The following PAPPA variants were observed in gnomAD, a reference collection of about 807,000 sequenced individuals.
PAPPA encodes pappalysin 1.
A neutral mutation model predicts 164.0 loss-of-function variants in PAPPA; 60 were observed. The ratio of observed to expected loss-of-function variants is 0.37; its 90% CI spans 0.30 to 0.45. PAPPA has a LOEUF of 0.45. Ranked by LOEUF, PAPPA falls within the 20% of genes least tolerant of loss-of-function variation. The pLI is 1.00. For synonymous variants in PAPPA, 875 were observed against 814.1 expected, an observed-to-expected ratio of 1.07 and a Z score of -1.27; for missense variants, 1,782 against 2,087.3, an observed-to-expected ratio of 0.85 and a Z score of 2.85.
intron 6 of PAPPA, among the ~76,000 whole-genome samples, chr9:116,232,821 A>C (rs1844615142): frequency 6.6e-6 from 1 of 152,186 alleles, no homozygotes; most frequent in Non-Finnish European, 1.5e-5. Context: ...ACTCCTGTTT[A>C]CTTGCTTGAG....
chr9:116,160,631 A>C (rs930647504), intron 1 of PAPPA, among the ~76,000 whole-genome samples: 10 of 152,192 alleles, frequency 6.6e-5, no homozygotes. Context: ...GGCAACTTGT[A>C]TCTTATCTAC....
Position 116,396,565 on chromosome 9 carries a change from C to T in PAPPA, c.4833C>T (p.Pro1611=), listed in dbSNP as rs1233009406. 6.4e-6 allele frequency: 5 copies of T among 780,820 alleles called. No homozygotes were observed. Among genetic ancestry groups the T allele is most frequent in the South Asian group, 1.3e-5 (1 of 74,592 alleles). 48.4% of individuals were successfully genotyped at this position (780,820 alleles called of 1,614,324 possible). The change falls in exon 22 of 22, where the codon CCC becomes CCT. Residue 1611 remains proline (P), a synonymous_variant. Coordinates refer to ENST00000328252, the MANE Select transcript of PAPPA (RefSeq NM_002581.5). ...DLQGDCACRD[P]QAQEHSRKDL... is the part of the protein sequence containing the mutation. ...AAGGTGACTGTGCTTGTCGGGACCC[C>T]CAGGCCCAAGAACACAGCCGGAAAG...
chr9:116,281,831 G>T (rs1467796405), intron 9 of PAPPA, among the ~76,000 whole-genome samples: 2 of 152,130 alleles, frequency 1.3e-5, no homozygotes, highest in Non-Finnish European at 2.9e-5. Context: ...CAGGCCAACT[G>T]CCTCACACCC....
At chr9:116,163,845 G>C (rs535493091) in intron 1 of PAPPA, among the ~76,000 whole-genome samples, 1 of 152,194 alleles carries the variant, frequency 6.6e-6, no homozygotes, top group Non-Finnish European at 1.5e-5. Flanking sequence ...ACTCTTTTAG[G>C]ACTTCCCAGA....
intron 1 of PAPPA, among the ~76,000 whole-genome samples, chr9:116,161,047 C>T (rs979925346): frequency 2.6e-5 from 4 of 152,132 alleles, no homozygotes; most frequent in African/African-American, 9.7e-5. Context: ...CGGGAGAAGC[C>T]GTTGGCTGAG....
chr9:116,220,038 C>T lies in PAPPA; in HGVS notation c.2020C>T (p.Pro674Ser). Reference protein sequence around the residue: ...QGWQPSRKPAPVALAPQVLGH... With the variant: ...QGWQPSRKPASVALAPQVLGH... The stretch of plus-strand genomic sequence containing the variant: ...CTGGCAGCCCTCCAGGAAACCAGCG[C>T]CTGTTGCCCTCGCCCCCCAAGTTCT... The change falls in exon 5 of 22, where the codon CCT becomes TCT. Residue 674 changes from proline to serine, a missense_variant. Coordinates refer to ENST00000328252, the MANE Select transcript of PAPPA (RefSeq NM_002581.5). 6.2e-7 allele frequency: 1 copy of T among 1,614,180 alleles called. No individual in the cohort carries two copies. Among genetic ancestry groups the T allele is most frequent in the Non-Finnish European group, 8.5e-7 (1 of 1,180,032 alleles).
At chr9:116,238,637 TTC>T (rs1844700172) in intron 7 of PAPPA, among the ~76,000 whole-genome samples, 1 of 152,176 alleles carries the variant, frequency 6.6e-6, no homozygotes, top group Admixed American at 6.5e-5. Flanking sequence ...GCACAATTTG[TTC>T]TTTCATTCAC....
chr9:116,156,649 G>T (rs1843608733), intron 1 of PAPPA, among the ~76,000 whole-genome samples: 1 of 152,072 alleles, frequency 6.6e-6, no homozygotes, highest in African/African-American at 2.4e-5. Context: ...TTCCCCTGAG[G>T]ATTCTGGTGG....
chr9:116,261,446 A>G (rs1007387686), intron 7 of PAPPA, among the ~76,000 whole-genome samples: 3 of 152,042 alleles, frequency 2.0e-5, no homozygotes, highest in African/African-American at 4.8e-5. Flanking sequence ...TTTGTTTCTT[A>G]TTTGACCTTC....
rs139861413 is a variant in PAPPA at position 116,350,465 on chromosome 9, C to T, written c.3965-2241C>T. 9.8e-5 allele frequency among the ~76,000 whole-genome samples: 15 copies of T among 152,308 alleles called. No individual in the cohort carries two copies. In the East Asian group the frequency reaches 2.9e-3, roughly 29 times the overall value. On this transcript the variant is annotated intron_variant, in intron 15 of 21. Coordinates refer to ENST00000328252, the MANE Select transcript of PAPPA (RefSeq NM_002581.5). Reference sequence around the variant, plus strand: ...TGCTTTAGCTGTGGTGCACTGCTAACTTCTATTCACCCTCTTCCAGAAAGC... The same window carrying T: ...TGCTTTAGCTGTGGTGCACTGCTAATTTCTATTCACCCTCTTCCAGAAAGC...
intron 9 of PAPPA, chr9:116,287,490 A>G (rs995841811): frequency 2.0e-5 from 3 of 152,192 alleles, no homozygotes; most frequent in Admixed American, 6.5e-5. Context: ...GGCAACGACA[A>G]TTTGTGTCTG....
At chr9:116,263,845 C>T (rs1845032483) in intron 7 of PAPPA, among the ~76,000 whole-genome samples, 1 of 152,112 alleles carries the variant, frequency 6.6e-6, no homozygotes. Context: ...AAATATTAGC[C>T]AACCACCTTA....
chr9:116,362,882 C>G, intron 18 of PAPPA, 143 bp downstream of exon 18: 1 of 740,396 alleles, frequency 1.4e-6, no homozygotes, highest in Non-Finnish European at 2.1e-6. Context: ...TTAGTGTAGA[C>G]CATGTCCTCC....
chr9:116,333,410 C>T (rs1846019299), intron 12 of PAPPA, among the ~76,000 whole-genome samples: 1 of 152,156 alleles, frequency 6.6e-6, no homozygotes, highest in Non-Finnish European at 1.5e-5. Context: ...TTCCAGTCTA[C>T]CCTGGAGAGC....
chr9:116,227,729 C>G (rs1470426564), intron 6 of PAPPA, among the ~76,000 whole-genome samples, 177 bp downstream of exon 6: 1 of 152,190 alleles, frequency 6.6e-6, no homozygotes, highest in South Asian at 2.1e-4. Flanking sequence ...ACTTTTTGAG[C>G]ACTTGCACTA....
At chr9:116,303,755 A>G (rs541382298) in intron 10 of PAPPA, among the ~76,000 whole-genome samples, 1 of 152,082 alleles carries the variant, frequency 6.6e-6, no homozygotes, top group Non-Finnish European at 1.5e-5. Flanking sequence ...TTCCTTTCCA[A>G]TATTGCTTTC....
In PAPPA at chr9:116,187,287, C is replaced by T. The variant is rs1372304591; in HGVS notation, c.549C>T (p.Thr183=). 3.7e-6 allele frequency: 6 copies of T among 1,614,158 alleles called. No individual in the cohort carries two copies. Among genetic ancestry groups the T allele is most frequent in the Non-Finnish European group, 4.2e-6 (5 of 1,180,032 alleles). Residue 183 remains threonine (T), a synonymous_variant, in exon 2 of 22, where the codon ACC becomes ACT. Transcript: ENST00000328252. The surrounding 1 kb of genome is among the most constrained non-coding windows in gnomAD (Gnocchi z 4.2). ...AGACAGACCGAGCCCGGCAAGTGAC[C>T]ACCATCAATGCCCACCGCAGCTACC... ...SLKTDRARQV[T]TINAHRSYLP...
chr9:116,220,831 G>A (rs1844435816), intron 5 of PAPPA, among the ~76,000 whole-genome samples: 1 of 151,620 alleles, frequency 6.6e-6, no homozygotes, highest in Non-Finnish European at 1.5e-5. Context: ...GTTGCAGTGA[G>A]CCGAGATGGC....
chr9:116,298,418 G>T (rs187557461), intron 9 of PAPPA, among the ~76,000 whole-genome samples: 1 of 152,340 alleles, frequency 6.6e-6, no homozygotes, highest in East Asian at 1.9e-4. Context: ...TAGCTGGATA[G>T]AACAGATTTC....
Sources: allele counts gnomAD v4.1 joint callset (sites outside exome capture counted in the v4.1 genomes callset), GRCh38; gene constraint gnomAD v4.1.1; non-coding constraint Gnocchi (gnomAD v3.1); transcripts MANE v1.5; gene names NCBI Gene and HGNC (gene_info 2026-07-23, HGNC 2026-07-21).